Variants in NCKAP5 observed in about 807,000 individuals in gnomAD.
The protein encoded by NCKAP5 is nck-associated protein 5.
In NCKAP5, 92 loss-of-function variants were observed where a neutral mutation model predicts 167.0. The ratio of observed to expected loss-of-function variants is 0.55; its 90% CI spans 0.47 to 0.66. The LOEUF (loss-of-function observed/expected upper bound fraction) is 0.66, where lower values mean the gene tolerates loss of function less well. NCKAP5 is among the 30% of genes least tolerant of loss of function. The pLI is 0.00. For synonymous variants in NCKAP5, 891 were observed against 877.4 expected, an observed-to-expected ratio of 1.02 and a Z score of -0.27; for missense variants, 2,378 against 2,315.0, an observed-to-expected ratio of 1.03 and a Z score of -0.56.
intron 6 of NCKAP5, among the ~76,000 whole-genome samples, chr2:133,029,456 C>A (rs2078807386): frequency 1.3e-5 from 2 of 151,684 alleles, no homozygotes; most frequent in African/African-American, 4.9e-5. Context: ...CGTACCACTA[C>A]ATGGGGAGCA....
the NCKAP5 span, among the ~76,000 whole-genome samples, chr2:133,637,005 C>G: frequency 6.6e-6 from 1 of 152,030 alleles, no homozygotes; most frequent in Admixed American, 6.5e-5. Flanking sequence ...AGATCCACAA[C>G]AAATATTTTA....
At chr2:133,498,788 G>A (rs551086992) in intron 3 of NCKAP5, among the ~76,000 whole-genome samples, 1 of 152,352 alleles carries the variant, frequency 6.6e-6, no homozygotes, top group East Asian at 1.9e-4. Flanking sequence ...TGACCTGCAG[G>A]TGTAGAGAAG....
At chr2:133,382,064 C>T (rs1448062392) in intron 3 of NCKAP5, among the ~76,000 whole-genome samples, 3 of 152,232 alleles carry the variant, frequency 2.0e-5, no homozygotes, top group Admixed American at 1.3e-4. Flanking sequence ...GCCAGAACAA[C>T]AAACCTACTC....
intron 6 of NCKAP5, among the ~76,000 whole-genome samples, chr2:133,038,856 T>G (rs1397926546): frequency 1.3e-5 from 2 of 152,172 alleles, no homozygotes; most frequent in East Asian, 3.9e-4. Context: ...TCACAGGTTC[T>G]GAGTATTAGG....
intron 6 of NCKAP5, among the ~76,000 whole-genome samples, chr2:133,002,940 G>T (rs1279109271): frequency 2.6e-5 from 4 of 152,210 alleles, no homozygotes; most frequent in Non-Finnish European, 4.4e-5. Context: ...AGTGAGAAAT[G>T]CCAGCAAGAC....
intron 19 of NCKAP5, among the ~76,000 whole-genome samples, chr2:132,716,175 C>G (rs1315718698): frequency 6.6e-6 from 1 of 152,144 alleles, no homozygotes; most frequent in African/African-American, 2.4e-5. Flanking sequence ...TTTTAAATGC[C>G]TGATGTATTA....
chr2:133,192,615 A>T (rs2085275803), intron 5 of NCKAP5, among the ~76,000 whole-genome samples: 1 of 152,104 alleles, frequency 6.6e-6, no homozygotes, highest in East Asian at 1.9e-4. Context: ...CATTTCAAAG[A>T]TTATACACAA....
chr2:132,714,687 C>G lies in NCKAP5; in HGVS notation c.5713+10940G>C, dbSNP rs1305108257. 2.0e-5 allele frequency among the ~76,000 whole-genome samples: 3 copies of G among 152,080 alleles called. No homozygotes were observed. In the South Asian group the frequency reaches 6.2e-4, roughly 32 times the overall value. On this transcript the variant is annotated intron_variant, in intron 19 of 19. Transcript: ENST00000409261. The stretch of plus-strand genomic sequence containing the variant: ...ACAAAATTAGCCGGGCATGGTGGCG[C>G]ATGCCTCTAATCCCAGCTGGGAGGC...
chr2:133,429,942 G>C (rs1226302573), intron 3 of NCKAP5, among the ~76,000 whole-genome samples: 1 of 152,120 alleles, frequency 6.6e-6, no homozygotes, highest in East Asian at 1.9e-4. Context: ...CCCACTAACA[G>C]TGTATAAGTG....
chr2:132,718,138 C>T (rs1482763916), intron 19 of NCKAP5, among the ~76,000 whole-genome samples: 2 of 152,164 alleles, frequency 1.3e-5, no homozygotes, highest in Admixed American at 1.3e-4. Flanking sequence ...TAGGGCAGGG[C>T]TGTGCCATTG....
intron 19 of NCKAP5, among the ~76,000 whole-genome samples, chr2:132,691,727 C>T (rs938007080): frequency 6.6e-6 from 1 of 152,126 alleles, no homozygotes; most frequent in Non-Finnish European, 1.5e-5. Flanking sequence ...AACATTCCAA[C>T]AATAAGATAA....
intron 3 of NCKAP5, among the ~76,000 whole-genome samples, chr2:133,491,115 A>G (rs1322814422): frequency 2.0e-5 from 3 of 152,224 alleles, no homozygotes; most frequent in African/African-American, 4.8e-5. Flanking sequence ...CCTATCATTC[A>G]ATAGTCATCA....
At chr2:133,544,760 T>C (rs1221931144) in intron 2 of NCKAP5, among the ~76,000 whole-genome samples, 2 of 152,206 alleles carry the variant, frequency 1.3e-5, no homozygotes, top group East Asian at 3.8e-4. Context: ...CAAATTTCTA[T>C]TAATCTAAAT....
chr2:133,653,206 TC>T, the NCKAP5 span, among the ~76,000 whole-genome samples: 2 of 152,326 alleles, frequency 1.3e-5, no homozygotes, highest in African/African-American at 2.4e-5. Context: ...TTTATCAGCT[TC>T]TTCAACACTC....
At chr2:132,907,368 G>C (rs569074042) in intron 8 of NCKAP5, among the ~76,000 whole-genome samples, 1 of 152,194 alleles carries the variant, frequency 6.6e-6, no homozygotes, top group Non-Finnish European at 1.5e-5. Context: ...TTAAGATCAC[G>C]CGGGTAGCAA....
At chr2:133,297,581 C>A (rs1680058910) in intron 4 of NCKAP5, among the ~76,000 whole-genome samples, 1 of 152,158 alleles carries the variant, frequency 6.6e-6, no homozygotes, top group Non-Finnish European at 1.5e-5. Context: ...TGGTTAAAGA[C>A]TAGCAGCCCC....
At chr2:133,026,485 T>C (rs1356777431) in intron 6 of NCKAP5, among the ~76,000 whole-genome samples, 2 of 151,980 alleles carry the variant, frequency 1.3e-5, no homozygotes, top group African/African-American at 2.4e-5. Context: ...GAAATCATAA[T>C]GAAAAATGTT....
chr2:132,765,559 C>T (rs1377685977), intron 16 of NCKAP5, among the ~76,000 whole-genome samples: 4 of 97,474 alleles, frequency 4.1e-5, no homozygotes, highest in Admixed American at 1.1e-4. Context: ...GTGACCTGCC[C>T]GCCTCAGCAC....
intron 7 of NCKAP5, among the ~76,000 whole-genome samples, chr2:132,983,856 C>G (rs1443501081): frequency 2.0e-5 from 3 of 152,220 alleles, no homozygotes; most frequent in Non-Finnish European, 4.4e-5. Context: ...TAGCCCTTCC[C>G]CTCCCAGGCC....
Sources: gnomAD v4.1 joint callset for allele counts (sites outside exome capture counted in the v4.1 genomes callset) on GRCh38, gnomAD v4.1.1 for gene constraint, MANE v1.5 for transcripts, NCBI Gene and HGNC (gene_info 2026-07-23, HGNC 2026-07-21) for gene names.